IQCM: variants seen among roughly 807,000 people sequenced by gnomAD.
The protein encoded by IQCM is IQ motif containing M, also known as IQ domain-containing protein M.
In IQCM, 45 loss-of-function variants were observed where a neutral mutation model predicts 57.6. The observed-to-expected ratio is 0.78, with a 90% CI of 0.62 to 1.00. The LOEUF (loss-of-function observed/expected upper bound fraction) is 1.00. IQCM is among the 50% of genes least tolerant of loss of function. IQCM has a pLI of 0.00. For missense variants in IQCM, 468 were observed against 511.6 expected (o/e 0.91, Z 0.82); for synonymous variants, 148 against 158.9 (o/e 0.93, Z 0.51).
intron 12 of IQCM, among the ~76,000 whole-genome samples, chr4:149,441,770 T>C (rs1278641758): frequency 6.6e-6 from 1 of 152,184 alleles, no homozygotes; most frequent in Non-Finnish European, 1.5e-5. Context: ...TATAATCCCA[T>C]TCCTATGATT....
intron 12 of IQCM, among the ~76,000 whole-genome samples, chr4:149,464,771 G>A (rs1232882295): frequency 1.3e-5 from 2 of 152,112 alleles, no homozygotes; most frequent in African/African-American, 4.8e-5. Context: ...CAATTTGGTA[G>A]CCACTATCAA....
chr4:149,652,132 T>C (rs1474807553), intron 7 of IQCM, among the ~76,000 whole-genome samples: 1 of 152,144 alleles, frequency 6.6e-6, no homozygotes, highest in Admixed American at 6.6e-5. Flanking sequence ...GGAAAAAGAA[T>C]GAGTTCATGT....
chr4:149,711,140 T>C (rs1764531393), intron 5 of IQCM: 1 of 152,056 alleles, frequency 6.6e-6, no homozygotes. Context: ...AAATAAAAGT[T>C]TTTCCAAGCA....
intron 7 of IQCM, among the ~76,000 whole-genome samples, chr4:149,681,541 AG>A (rs1762176872): frequency 6.6e-6 from 1 of 151,194 alleles, no homozygotes; most frequent in African/African-American, 2.4e-5. Flanking sequence ...TATATGCAAA[AG>A]TGCCTTGAGA....
At chr4:149,405,962 C>A (rs1203037022) in intron 13 of IQCM, among the ~76,000 whole-genome samples, 1 of 149,216 alleles carries the variant, frequency 6.7e-6, no homozygotes, top group Non-Finnish European at 1.5e-5. Flanking sequence ...AAACCCCTTC[C>A]TTCCTCTATC....
intron 2 of IQCM, among the ~76,000 whole-genome samples, chr4:149,760,155 C>A (rs1403371563): frequency 1.3e-5 from 2 of 151,766 alleles, no homozygotes; most frequent in Non-Finnish European, 2.9e-5. Context: ...TAAAGGACAG[C>A]AAGGAAGGCC....
intron 2 of IQCM, among the ~76,000 whole-genome samples, chr4:149,755,744 G>C (rs1768898393): frequency 6.6e-6 from 1 of 152,010 alleles, no homozygotes; most frequent in Non-Finnish European, 1.5e-5. Flanking sequence ...CTTCCTCCTG[G>C]ACCCATAGCT....
intron 7 of IQCM, among the ~76,000 whole-genome samples, chr4:149,668,682 A>G (rs1431088406): frequency 6.6e-6 from 1 of 152,218 alleles, no homozygotes; most frequent in Non-Finnish European, 1.5e-5. Flanking sequence ...AATGTGAATT[A>G]TTATAAGTAA....
At chr4:149,520,526 G>A (rs554122050) in intron 12 of IQCM, among the ~76,000 whole-genome samples, 1 of 152,234 alleles carries the variant, frequency 6.6e-6, no homozygotes, top group South Asian at 2.1e-4. Context: ...CAGAAAGCTA[G>A]CAGTGCTGAG....
intron 2 of IQCM, among the ~76,000 whole-genome samples, chr4:149,770,902 T>C (rs1770510870): frequency 6.6e-6 from 1 of 151,982 alleles, no homozygotes; most frequent in African/African-American, 2.4e-5. Context: ...CAATACCTCT[T>C]CTATAGTATT....
At position 149,736,992 on chromosome 4, in the gene IQCM, C is replaced by A. The variant is rs117340928; in HGVS notation, c.38-1534G>T. The stretch of plus-strand genomic sequence containing the variant: ...GTGGTTATATGTGTACAATAAACTA[C>A]TACTTAGCAATAAAAAGAGGTACTG... On this transcript the variant is annotated intron_variant, in intron 3 of 13. Coordinates refer to ENST00000636793, the MANE Select transcript of IQCM (RefSeq NM_001363507.2). Among the ~76,000 whole-genome samples, 1,250 of 152,238 alleles carry A rather than the reference C, an allele frequency of 8.2e-3. 38 individuals carry two copies. Among genetic ancestry groups the A allele is most frequent in the Admixed American group, 0.061 (939 of 15,294 alleles).
chr4:149,590,758 A>G (rs943065087), intron 8 of IQCM, among the ~76,000 whole-genome samples: 1 of 152,044 alleles, frequency 6.6e-6, no homozygotes, highest in African/African-American at 2.4e-5. Context: ...AGCTTCATCC[A>G]TGTCCCTGCA....
At chr4:149,474,371 A>T (rs533819927) in intron 12 of IQCM, among the ~76,000 whole-genome samples, 1 of 152,112 alleles carries the variant, frequency 6.6e-6, no homozygotes, top group African/African-American at 2.4e-5. Context: ...TCAAGACTTC[A>T]GTGGACTCCA....
At chr4:149,559,987 G>A (rs756528366) in intron 10 of IQCM, among the ~76,000 whole-genome samples, 1 of 152,206 alleles carries the variant, frequency 6.6e-6, no homozygotes, top group Non-Finnish European at 1.5e-5. Flanking sequence ...TCTAATGCCT[G>A]ATGATCTGAA....
At chr4:149,714,395 T>C (rs1764819741) in intron 5 of IQCM, among the ~76,000 whole-genome samples, 1 of 152,230 alleles carries the variant, frequency 6.6e-6, no homozygotes, top group South Asian at 2.1e-4. Context: ...AACTACCATC[T>C]ATAAACTGAG....
intron 9 of IQCM, among the ~76,000 whole-genome samples, 184 bp from the exon 10 acceptor site, chr4:149,564,074 C>G (rs1025348801): frequency 2.0e-5 from 3 of 151,986 alleles, no homozygotes; most frequent in Admixed American, 2.0e-4. Context: ...TTGAATATGC[C>G]AAGACCAATA....
intron 7 of IQCM, among the ~76,000 whole-genome samples, chr4:149,670,097 T>A (rs1023462619): frequency 1.3e-5 from 2 of 152,234 alleles, no homozygotes; most frequent in Admixed American, 1.3e-4. Context: ...TATTGTTTCT[T>A]CCTATCCATG....
intron 12 of IQCM, among the ~76,000 whole-genome samples, chr4:149,454,868 T>G (rs1579112820): frequency 6.6e-6 from 1 of 151,716 alleles, no homozygotes; most frequent in Non-Finnish European, 1.5e-5. Context: ...AGTAGCAGGG[T>G]AGGGGATGGG....
chr4:149,633,167 CAAAAAAAA>C (rs71596216), intron 7 of IQCM, among the ~76,000 whole-genome samples: 9 of 22,938 alleles, frequency 3.9e-4, no homozygotes, highest in East Asian at 1.1e-3. Context: ...GACTCCGTCT[CAAAAAAAA>C]AAAAAAAAAA....
Sources: gnomAD v4.1 joint callset for allele counts (sites outside exome capture counted in the v4.1 genomes callset) on GRCh38, gnomAD v4.1.1 for gene constraint, MANE v1.5 for transcripts, NCBI Gene and HGNC (gene_info 2026-07-23, HGNC 2026-07-21) for gene names.